MCUR1: variants seen among roughly 807,000 people sequenced by gnomAD.
MCUR1 encodes mitochondrial calcium uniporter regulator 1, also known as MCU regulator 1.
MCUR1 carries 37 observed loss-of-function variants against 42.0 expected under a neutral mutation model. The ratio of observed to expected loss-of-function variants is 0.88; its 90% CI spans 0.68 to 1.16. The LOEUF (loss-of-function observed/expected upper bound fraction) is 1.16, where lower values mean the gene tolerates loss of function less well. Among genes scored for constraint, MCUR1 ranks in the 50% most tolerant of loss-of-function variants. The pLI is 0.00. For synonymous variants in MCUR1, 229 were observed against 196.2 expected, an observed-to-expected ratio of 1.17 and a Z score of -1.40; for missense variants, 469 against 468.4, an observed-to-expected ratio of 1.00 and a Z score of -0.01.
chr6:13,790,632 T>C lies in MCUR1; in HGVS notation c.*177A>G, dbSNP rs147847660. 1,092 of 414,840 alleles carry C rather than the reference T, an allele frequency of 2.6e-3. 7 individuals are homozygous for C. Among genetic ancestry groups the C allele is most frequent in the African/African-American group, 0.022 (1,014 of 46,978 alleles). 25.7% of individuals were successfully genotyped at this position (414,840 alleles called of 1,614,324 possible). On this transcript the variant is annotated 3_prime_UTR_variant, in exon 9 of 9. Coordinates refer to ENST00000379170, the MANE Select transcript of MCUR1 (RefSeq NM_001031713.4). ...ACGCCCGCCTAATGTTTTAATTTTTTAGTAGAGACGGGGTTTCACCGTGTT... is the reference window on the plus strand; with the variant it reads ...ACGCCCGCCTAATGTTTTAATTTTTCAGTAGAGACGGGGTTTCACCGTGTT...
chr6:13,794,469 A>G (rs80133009), intron 6 of MCUR1, among the ~76,000 whole-genome samples: 4,487 of 152,254 alleles, frequency 0.029, 200 homozygotes, highest in African/African-American at 0.1. Context: ...CTATCCCATC[A>G]TAACTAGTAG....
At chr6:13,793,610 T>A (rs1561729325) in intron 7 of MCUR1, among the ~76,000 whole-genome samples, 1 of 152,154 alleles carries the variant, frequency 6.6e-6, no homozygotes, top group Non-Finnish European at 1.5e-5. Flanking sequence ...GAAAAGGGAA[T>A]GTATAAAGGG....
intron 2 of MCUR1, chr6:13,803,948 A>G (rs1052862139): frequency 4.3e-6 from 4 of 937,562 alleles, no homozygotes; most frequent in Non-Finnish European, 5.1e-6. Context: ...CATGGGCAAC[A>G]TAGTGATCCC....
chr6:13,801,202 C>T (rs1208513402), intron 4 of MCUR1, 86 bp downstream of exon 4: 8 of 919,416 alleles, frequency 8.7e-6, no homozygotes, highest in Non-Finnish European at 1.4e-5. Context: ...GAGATGTACA[C>T]TTAACGTGTG....
At chr6:13,803,186 G>A (rs191606556) in intron 2 of MCUR1, among the ~76,000 whole-genome samples, 2 of 152,146 alleles carry the variant, frequency 1.3e-5, no homozygotes, top group East Asian at 1.9e-4. Context: ...CTCAGACTCC[G>A]GAGTAGCTGG....
chr6:13,806,823 T>C (rs909316299), intron 2 of MCUR1, 102 bp downstream of exon 2: 10 of 1,284,122 alleles, frequency 7.8e-6, no homozygotes, highest in African/African-American at 6.0e-5. Context: ...AAATAAAAAA[T>C]AGAAGTCAAA....
At chr6:13,792,279 C>T (rs967697871) in intron 7 of MCUR1, among the ~76,000 whole-genome samples, 2 of 152,106 alleles carry the variant, frequency 1.3e-5, no homozygotes, top group Admixed American at 6.6e-5. Context: ...GAATCAAATG[C>T]GATAATCTAT....
chr6:13,806,418 T>A (rs147722879), intron 2 of MCUR1, among the ~76,000 whole-genome samples: 110 of 152,350 alleles, frequency 7.2e-4, no homozygotes, highest in Middle Eastern at 3.4e-3. Context: ...ATAGGAATCA[T>A]TCCTCAGCTT....
intron 2 of MCUR1, 125 bp from the exon 3 acceptor site, chr6:13,802,471 G>C (rs1484232855): frequency 5.9e-6 from 4 of 674,902 alleles, no homozygotes; most frequent in Non-Finnish European, 1.0e-5. Context: ...AGGAGGCAGG[G>C]AGGAGGGTAC....
chr6:13,797,695 G>A (rs182281503), intron 6 of MCUR1, among the ~76,000 whole-genome samples: 68 of 146,790 alleles, frequency 4.6e-4, no homozygotes, highest in East Asian at 1.7e-3. Flanking sequence ...GTGACAGAGC[G>A]AGACTCCGCC....
In MCUR1 at chr6:13,790,549, G is replaced by A. The variant is rs1002097823; in HGVS notation, c.*260C>T. On this transcript the variant is annotated 3_prime_UTR_variant, in exon 9 of 9. Transcript: ENST00000379170. ...GTGATCTCGGCTCACTACAAGCTCC[G>A]CCTCCCAGGTTCACACCTTAGCCTC... is the stretch of plus-strand genomic sequence containing the variant. The A allele has an allele frequency of 8.1e-5, 17 of 210,452 alleles. No individual in the cohort carries two copies. The highest frequency in any genetic ancestry group is 7.5e-5 in the Non-Finnish European group (8 of 106,126). The allele number at this position is 210,452 out of a possible 1,614,324, so 13.0% of individuals were successfully genotyped here.
Position 13,800,521 on chromosome 6 carries a change from T to C in MCUR1, c.742-139A>G. The C allele has an allele frequency of 7.0e-6, 4 of 570,744 alleles. No homozygotes were observed. The East Asian group carries it at 1.2e-4, about 17-fold the overall frequency. The allele number at this position is 570,744 out of a possible 1,614,324, so 35.4% of individuals were successfully genotyped here. ...ACACCGTATTGATTGCAGAATGGCA[T>C]TACAACACACGTATCTTGAAATCAG... On this transcript the variant is annotated intron_variant, in intron 4 of 8. Coordinates refer to ENST00000379170, the MANE Select transcript of MCUR1 (RefSeq NM_001031713.4).
At chr6:13,808,278 T>A (rs1760154751) in intron 1 of MCUR1, among the ~76,000 whole-genome samples, 1 of 152,174 alleles carries the variant, frequency 6.6e-6, no homozygotes. Flanking sequence ...AAAGTACCAG[T>A]CTGTGGTATC....
rs1584980581 is a variant in MCUR1, at chr6:13,789,064, T to C, written c.*1745A>G. 2 of 152,226 alleles carry C rather than the reference T, an allele frequency of 1.3e-5. No individual in the cohort carries two copies. Among genetic ancestry groups the C allele is most frequent in the African/African-American group, 4.8e-5 (2 of 41,464 alleles). 9.4% of individuals were successfully genotyped at this position (152,226 alleles called of 1,614,324 possible). A position where few individuals can be genotyped will look rare whatever the true frequency, so the allele number is the denominator to read the frequency against. ...GTGCAGAGAAAGGCAGAAAAGCTTC[T>C]ATCCATGTCATTGTCTCTCTTGCCC... On this transcript the variant is annotated 3_prime_UTR_variant, in exon 9 of 9. Transcript: ENST00000379170.
chr6:13,793,828 A>C (rs1759790940), intron 7 of MCUR1, 66 bp downstream of exon 7: 12 of 1,376,996 alleles, frequency 8.7e-6, no homozygotes, highest in Non-Finnish European at 1.2e-5. Context: ...CATTACAAAC[A>C]ACCATGCATG....
At chr6:13,798,380 G>A (rs972662869) in intron 6 of MCUR1, among the ~76,000 whole-genome samples, 1 of 152,078 alleles carries the variant, frequency 6.6e-6, no homozygotes, top group African/African-American at 2.4e-5. Flanking sequence ...GATTACAGGC[G>A]TGAGCTACCG....
intron 8 of MCUR1, 112 bp downstream of exon 8, chr6:13,791,766 T>A: frequency 1.4e-6 from 1 of 692,548 alleles, no homozygotes; most frequent in South Asian, 2.1e-5. Context: ...TTCAGAGATG[T>A]TAAAATATTT....
chr6:13,798,505 A>C (rs1433875775), intron 6 of MCUR1, among the ~76,000 whole-genome samples: 1 of 152,162 alleles, frequency 6.6e-6, no homozygotes, highest in Non-Finnish European at 1.5e-5. Flanking sequence ...TTACAAGATC[A>C]AGACCTATGA....
Position 13,814,261 on chromosome 6 carries a change from G to T in MCUR1, c.169C>A (p.Pro57Thr), listed in dbSNP as rs1760316688. 1.5e-5 allele frequency: 22 copies of T among 1,475,434 alleles called. No homozygotes were observed. The highest frequency in any genetic ancestry group is 4.4e-5 in the African/African-American group (3 of 68,116). 91.4% of individuals were successfully genotyped at this position (1,475,434 alleles called of 1,614,324 possible). Residue 57 changes from proline to threonine, a missense_variant, in exon 1 of 9, where the codon CCG becomes ACG. Physicochemically the swap from Pro to Thr is conservative, Grantham distance 38 (BLOSUM62 -1). Transcript: ENST00000379170. ...DGLGALRPRA[P>T]AARGGVSRAS... ...CGTGACACGCCGCCGCGGGCCGCCG[G>T]GGCGCGAGGGCGCAGCGCCCCCAGA...
Sources: gnomAD v4.1 joint callset for allele counts (sites outside exome capture counted in the v4.1 genomes callset) on GRCh38, gnomAD v4.1.1 for gene constraint, MANE v1.5 for transcripts, NCBI Gene and HGNC (gene_info 2026-07-23, HGNC 2026-07-21) for gene names.